The following SYTL2 variants were observed in gnomAD, a reference collection of about 807,000 sequenced individuals.
SYTL2 encodes the protein synaptotagmin like 2, also known as synaptotagmin-like protein 2.
Under a neutral mutation model 198.7 loss-of-function variants are expected in SYTL2, and 165 were observed. The ratio of observed to expected loss-of-function variants is 0.83; its 90% CI spans 0.73 to 0.94. The LOEUF is 0.94. SYTL2 is among the 40% of genes least tolerant of loss of function. SYTL2 has a pLI of 0.00. For missense variants in SYTL2, 2,835 were observed against 2,582.8 expected (o/e 1.10, Z -2.12); for synonymous variants, 966 against 917.7 (o/e 1.05, Z -0.95).
At chr11:85,812,433 G>C (rs1305973043), upstream of SYTL2, among the ~76,000 whole-genome samples, 2 of 152,196 alleles carry the variant, frequency 1.3e-5, no homozygotes, top group African/African-American at 2.4e-5. Flanking sequence ...TGAGAGCCTG[G>C]TGTGTCCCTG....
In SYTL2 at chr11:85,734,481, G is replaced by A; in HGVS notation, c.848C>T (p.Thr283Ile). 6.2e-7 allele frequency: 1 copy of A among 1,614,234 alleles called. No individual in the cohort carries two copies. Among genetic ancestry groups the A allele is most frequent in the Non-Finnish European group, 8.5e-7 (1 of 1,180,034 alleles). Residue 283 changes from threonine to isoleucine, a missense_variant, in exon 7 of 20, where the codon ACA (threonine) becomes ATA (isoleucine). Thr to Ile is a moderately conservative substitution (Grantham distance 89). Transcript: ENST00000359152. ...ILKRNSSSSSTDSETLRYNHN... is the reference protein window; with the variant it reads ...ILKRNSSSSSIDSETLRYNHN... Reference sequence around the variant, plus strand: ...ATTATAACGAAGGGTTTCTGAGTCTGTGCTACTGGAACTGGAGTTGCGCTT... The same window carrying A: ...ATTATAACGAAGGGTTTCTGAGTCTATGCTACTGGAACTGGAGTTGCGCTT...
intron 4 of SYTL2, among the ~76,000 whole-genome samples, chr11:85,744,755 A>G (rs532553797): frequency 5.3e-5 from 8 of 152,220 alleles, no homozygotes; most frequent in African/African-American, 1.9e-4. Flanking sequence ...CTCTGAATTG[A>G]ACTAACTTAA....
chr11:85,771,334 A>G (rs779122695), intron 1 of SYTL2, among the ~76,000 whole-genome samples: 1 of 152,068 alleles, frequency 6.6e-6, no homozygotes, highest in Non-Finnish European at 1.5e-5. Flanking sequence ...ACTTGGCAAG[A>G]CTCCCTGTCT....
At chr11:85,773,395 T>G (rs2092395085) in intron 1 of SYTL2, among the ~76,000 whole-genome samples, 1 of 152,364 alleles carries the variant, frequency 6.6e-6, no homozygotes, top group African/African-American at 2.4e-5. Context: ...TCCTTTTGCC[T>G]GCAAGGTCTT....
In SYTL2 at chr11:85,724,280, CCTGCAACCCCA is replaced by C; in HGVS notation, c.5067_5077del (p.Ser1689ArgfsTer16). 1 of 1,562,546 alleles carries C rather than the reference CCTGCAACCCCA, an allele frequency of 6.4e-7. No homozygotes were observed. The highest frequency in any genetic ancestry group is 8.6e-7 in the Non-Finnish European group (1 of 1,160,076). Reference sequence around the variant, plus strand: ...AGGTTCCTGAAGAGTCCCTTGTCCCCCTGCAACCCCACTTTCACTGTCCCTGTCCTCTGGGG... The same window carrying C: ...AGGTTCCTGAAGAGTCCCTTGTCCCCCTTTCACTGTCCCTGTCCTCTGGGG... On this transcript the variant is annotated frameshift_variant, in exon 8 of 20. Coordinates refer to ENST00000359152, the MANE Select transcript of SYTL2 (RefSeq NM_206927.4). LOFTEE classifies it high-confidence loss of function.
the SYTL2 span, chr11:85,853,220 AG>A: frequency 2.1e-5 from 9 of 422,982 alleles, no homozygotes; most frequent in Admixed American, 1.8e-4. Context: ...GGAATAGAAA[AG>A]GGGGAAATGT....
At chr11:85,825,215 C>A in the SYTL2 span, among the ~76,000 whole-genome samples, 1 of 151,850 alleles carries the variant, frequency 6.6e-6, no homozygotes, top group Non-Finnish European at 1.5e-5. Context: ...GGTGAAACCC[C>A]GTCTCTACTA....
the SYTL2 span, chr11:85,853,475 G>C: frequency 4.5e-5 from 15 of 335,576 alleles, no homozygotes; most frequent in South Asian, 3.2e-4. Context: ...TGCTCCTTAA[G>C]AGTCATCACC....
chr11:85,781,642 G>A (rs950780652), intron 1 of SYTL2, among the ~76,000 whole-genome samples: 6 of 152,192 alleles, frequency 3.9e-5, no homozygotes, highest in African/African-American at 1.4e-4. Flanking sequence ...GATACAATGA[G>A]GGTACAGGCA....
In SYTL2 at chr11:85,718,049, T is replaced by C. The variant is rs199883037; in HGVS notation, c.5483-519A>G. ...TGTTGCTGCATTTATATGGGAAAGCTCAGTGAGTACACATTTTTATGATTA... is the reference window on the plus strand; with the variant it reads ...TGTTGCTGCATTTATATGGGAAAGCCCAGTGAGTACACATTTTTATGATTA... On this transcript the variant is annotated intron_variant, in intron 10 of 19. Transcript: ENST00000359152. Among the ~76,000 whole-genome samples, 28 of 152,332 alleles carry C rather than the reference T, an allele frequency of 1.8e-4. No individual in the cohort carries two copies. In the East Asian group the frequency reaches 4.8e-3, roughly 26 times the overall value.
the SYTL2 span, among the ~76,000 whole-genome samples, chr11:85,818,243 C>T: frequency 2.0e-5 from 3 of 152,020 alleles, no homozygotes; most frequent in Non-Finnish European, 2.9e-5. Context: ...GGATGAAGTG[C>T]GTGGTGCACA....
rs754439090 is a variant in SYTL2 at position 85,727,416 on chromosome 11, C to T, written c.1942G>A (p.Asp648Asn). ...GTPSQGSKNM[D>N]YSQDSKSPGK... ...GGGCTTTTTGAATCTTGGCTATAGT[C>T]CATATTTTTACTCCCTTGACTTGGG... The change falls in exon 8 of 20, where the codon GAC (aspartate) becomes AAC (asparagine). Residue 648 changes from aspartate (D) to asparagine (N), a missense_variant. This residue lies in a region of SYTL2 where 2,645 missense variants were observed against 2,381.7 expected (regional missense o/e 1.11). Coordinates refer to ENST00000359152, the MANE Select transcript of SYTL2 (RefSeq NM_206927.4). The T allele has an allele frequency of 6.5e-7, 1 of 1,536,314 alleles. No homozygotes were observed. The highest frequency in any genetic ancestry group is 1.2e-5 in the South Asian group (1 of 84,056).
chr11:85,757,404 T>C (rs764835694), intron 2 of SYTL2, among the ~76,000 whole-genome samples: 1 of 152,264 alleles, frequency 6.6e-6, no homozygotes, highest in Middle Eastern at 3.4e-3. Context: ...TTTAGTTAGG[T>C]TTTTAATCAA....
At chr11:85,854,088 C>T in the SYTL2 span, 1 of 152,154 alleles carries the variant, frequency 6.6e-6, no homozygotes, top group Non-Finnish European at 1.5e-5. Context: ...CTGTCCACCT[C>T]GGCCTCCCAA....
At chr11:85,804,662 T>C (rs1357946371) in intron 1 of SYTL2, among the ~76,000 whole-genome samples, 1 of 152,222 alleles carries the variant, frequency 6.6e-6, no homozygotes, top group Non-Finnish European at 1.5e-5. Flanking sequence ...ATCATTCACT[T>C]GCTTCAGACT....
At chr11:85,832,952 C>T in the SYTL2 span, among the ~76,000 whole-genome samples, 1 of 147,904 alleles carries the variant, frequency 6.8e-6, no homozygotes, top group Non-Finnish European at 1.5e-5. Flanking sequence ...GCTATGATTG[C>T]TCCACTGCAC....
intron 1 of SYTL2, among the ~76,000 whole-genome samples, chr11:85,789,338 GTGTATATATATATATATATA>G (rs1234680506): frequency 7.4e-5 from 2 of 27,090 alleles, no homozygotes; most frequent in African/African-American, 2.3e-4. Context: ...GTGTGTGTGT[GTGTATATATATATATATATA>G]TATATATATA....
At chr11:85,751,979 T>G (rs893504492) in intron 2 of SYTL2, among the ~76,000 whole-genome samples, 32 of 152,228 alleles carry the variant, frequency 2.1e-4, no homozygotes, top group African/African-American at 7.7e-4. Context: ...GCCAAGAGTG[T>G]GAGCACTTAC....
the SYTL2 span, among the ~76,000 whole-genome samples, chr11:85,846,083 T>C: frequency 1.4e-4 from 21 of 152,222 alleles, no homozygotes; most frequent in Admixed American, 1.4e-3. Flanking sequence ...CAGTCCAAGA[T>C]GACTTTGTTC....
Sources: gnomAD v4.1 joint callset for allele counts (sites outside exome capture counted in the v4.1 genomes callset) on GRCh38, gnomAD v4.1.1 for gene constraint, gnomAD v4.1.1 regional missense constraint, MANE v1.5 for transcripts, NCBI Gene and HGNC (gene_info 2026-07-23, HGNC 2026-07-21) for gene names.